TASP1: variants seen among roughly 807,000 people sequenced by gnomAD.
The protein encoded by TASP1 is threonine aspartase 1.
In TASP1, 16 loss-of-function variants were observed where a neutral mutation model predicts 56.6. That is an observed-to-expected ratio of 0.28 (90% CI 0.19 to 0.43). The LOEUF (loss-of-function observed/expected upper bound fraction) is 0.43. TASP1 is among the 20% of genes least tolerant of loss of function. The pLI, the probability that TASP1 is intolerant of heterozygous loss-of-function variation, is 1.00. For synonymous variants in TASP1, 179 were observed against 184.2 expected, an observed-to-expected ratio of 0.97 and a Z score of 0.23; for missense variants, 393 against 511.6, an observed-to-expected ratio of 0.77 and a Z score of 2.24.
intron 13 of TASP1, among the ~76,000 whole-genome samples, chr20:13,397,627 A>G (rs2041589923): frequency 6.6e-6 from 1 of 152,156 alleles, no homozygotes; most frequent in Non-Finnish European, 1.5e-5. Context: ...GGTGAATCAG[A>G]GCTTGCTCAG....
At chr20:13,268,034 T>G in the TASP1 span, among the ~76,000 whole-genome samples, 10 of 152,226 alleles carry the variant, frequency 6.6e-5, no homozygotes, top group African/African-American at 2.4e-4. Context: ...AGGGAACAAA[T>G]GCATTCAGCT....
the TASP1 span, among the ~76,000 whole-genome samples, chr20:13,337,436 T>C: frequency 4.9e-3 from 746 of 152,282 alleles, 5 homozygotes; most frequent in African/African-American, 0.017. Flanking sequence ...CCCTGACACC[T>C]TCCCCCTCAC....
the TASP1 span, chr20:13,168,955 G>GTGTGTGTGTGTGTGTGCA: frequency 6.6e-6 from 1 of 151,728 alleles, no homozygotes; most frequent in South Asian, 2.1e-4. Flanking sequence ...GTGTGCATGT[G>GTGTGTGTGTGTGTGTGCA]TGTGTGTGTG....
chr20:13,568,959 C>T lies in TASP1; in HGVS notation c.568+548G>A, dbSNP rs138726838. ...CCTGTCAGTTATGTTATATTATCTA[C>T]TTAGGACTTTTGATCATTTTTATAT... On this transcript the variant is annotated intron_variant, in intron 7 of 13. Transcript: ENST00000337743. Among the ~76,000 whole-genome samples the T allele has an allele frequency of 4.6e-3, 707 of 152,208 alleles. 4 individuals carry two copies. Among genetic ancestry groups the T allele is most frequent in the African/African-American group, 0.015 (632 of 41,556 alleles).
At chr20:13,374,589 C>G in the TASP1 span, among the ~76,000 whole-genome samples, 4 of 152,138 alleles carry the variant, frequency 2.6e-5, no homozygotes, top group African/African-American at 9.7e-5. Context: ...ACCTTGTGAT[C>G]TGCCCGCCTC....
intron 4 of TASP1, among the ~76,000 whole-genome samples, chr20:13,587,955 A>G (rs1310487379): frequency 6.6e-6 from 1 of 152,084 alleles, no homozygotes; most frequent in Non-Finnish European, 1.5e-5. Flanking sequence ...GTGAGACACC[A>G]TCTATACAAA....
chr20:13,369,415 C>T, the TASP1 span, among the ~76,000 whole-genome samples: 1 of 152,170 alleles, frequency 6.6e-6, no homozygotes, highest in Non-Finnish European at 1.5e-5. Context: ...CATTGCACTC[C>T]AGCCCATACA....
intron 10 of TASP1, among the ~76,000 whole-genome samples, chr20:13,514,211 A>G (rs2146743062): frequency 6.6e-6 from 1 of 152,268 alleles, no homozygotes; most frequent in South Asian, 2.1e-4. Flanking sequence ...GGAGCCTATT[A>G]ATTATTCTAT....
At chr20:13,630,330 C>A (rs544483128) in intron 1 of TASP1, among the ~76,000 whole-genome samples, 178 bp from the exon 2 acceptor site, 1 of 151,988 alleles carries the variant, frequency 6.6e-6, no homozygotes, top group Non-Finnish European at 1.5e-5. Flanking sequence ...CCATTGAAGT[C>A]GGATAAAATT....
At chr20:13,149,313 A>C in the TASP1 span, among the ~76,000 whole-genome samples, 17 of 152,336 alleles carry the variant, frequency 1.1e-4, no homozygotes, top group Non-Finnish European at 1.3e-4. Context: ...CCATCCTAGC[A>C]TGGCTGTCCC....
chr20:13,498,091 G>T (rs1210447085), intron 10 of TASP1, among the ~76,000 whole-genome samples: 1 of 151,940 alleles, frequency 6.6e-6, no homozygotes, highest in African/African-American at 2.4e-5. Context: ...AAAAGCAACT[G>T]CAATAAAAAC....
At chr20:13,194,581 GTGTGTA>G in the TASP1 span, among the ~76,000 whole-genome samples, 3,083 of 136,872 alleles carry the variant, frequency 0.023, 110 homozygotes, top group African/African-American at 0.089. Flanking sequence ...GTGTGTGTGT[GTGTGTA>G]TGTGTGTTTC....
chr20:13,395,137 A>T (rs556214381), intron 13 of TASP1, among the ~76,000 whole-genome samples: 24 of 152,340 alleles, frequency 1.6e-4, no homozygotes, highest in South Asian at 1.0e-3. Context: ...TTCCAGAGAG[A>T]GATCATTGGA....
At chr20:13,528,219 C>CAAAAAAAAA (rs397942980) in intron 10 of TASP1, among the ~76,000 whole-genome samples, 7 of 54,308 alleles carry the variant, frequency 1.3e-4, no homozygotes, top group Non-Finnish European at 1.9e-4. Context: ...GACTCTGACT[C>CAAAAAAAAA]AAAAAAAAAA....
At chr20:13,573,281 C>A (rs540317009) in intron 6 of TASP1, among the ~76,000 whole-genome samples, 1 of 152,280 alleles carries the variant, frequency 6.6e-6, no homozygotes, top group South Asian at 2.1e-4. Flanking sequence ...ATTGGGATTG[C>A]ATTAGGAGGT....
chr20:13,273,103 T>C, the TASP1 span, among the ~76,000 whole-genome samples: 2 of 152,178 alleles, frequency 1.3e-5, no homozygotes, highest in Non-Finnish European at 2.9e-5. Context: ...TATTGGCTGC[T>C]TTGTGCTTGA....
At chr20:13,294,760 C>T in the TASP1 span, among the ~76,000 whole-genome samples, 2 of 152,200 alleles carry the variant, frequency 1.3e-5, no homozygotes, top group African/African-American at 4.8e-5. Flanking sequence ...GGCAGCACCT[C>T]GACACTCTTG....
the TASP1 span, among the ~76,000 whole-genome samples, chr20:13,174,699 G>GAAA: frequency 7.0e-5 from 9 of 129,238 alleles, no homozygotes; most frequent in African/African-American, 2.6e-4. Context: ...ACCTTGTCAC[G>GAAA]AAAAAAAAAA....
At chr20:13,182,622 T>C in the TASP1 span, among the ~76,000 whole-genome samples, 2 of 152,206 alleles carry the variant, frequency 1.3e-5, no homozygotes, top group Non-Finnish European at 2.9e-5. Flanking sequence ...TGCCAATCAA[T>C]TGTTAAACAT....
Sources: allele counts gnomAD v4.1 joint callset (sites outside exome capture counted in the v4.1 genomes callset), GRCh38; gene constraint gnomAD v4.1.1; transcripts MANE v1.5; gene names NCBI Gene and HGNC (gene_info 2026-07-23, HGNC 2026-07-21).